JAKMIP1: variants seen among roughly 807,000 people sequenced by gnomAD.
The protein encoded by JAKMIP1 is janus kinase and microtubule-interacting protein 1.
In JAKMIP1, 33 loss-of-function variants were observed where a neutral mutation model predicts 113.0. That is an observed-to-expected ratio of 0.29 (90% CI 0.22 to 0.39). The LOEUF is 0.39. Ranked by LOEUF, JAKMIP1 falls within the 10% of genes least tolerant of loss-of-function variation. The pLI, the probability that JAKMIP1 is intolerant of heterozygous loss-of-function variation, is 1.00. For synonymous variants in JAKMIP1, 480 were observed against 459.9 expected, an observed-to-expected ratio of 1.04 and a Z score of -0.56; for missense variants, 813 against 1,080.5, an observed-to-expected ratio of 0.75 and a Z score of 3.47.
At chr4:6,165,088 T>C (rs1723453445) in intron 1 of JAKMIP1, among the ~76,000 whole-genome samples, 1 of 152,204 alleles carries the variant, frequency 6.6e-6, no homozygotes, top group African/African-American at 2.4e-5. Flanking sequence ...GAGAAATCTT[T>C]GGTGAAAGAG....
At position 6,112,750 on chromosome 4, in the gene JAKMIP1, T is replaced by A; in HGVS notation, c.101A>T (p.Gln34Leu). The change falls in exon 2 of 21, where the codon CAG becomes CTG. Residue 34 changes from glutamine (Q) to leucine (L), a missense_variant. Gln to Leu is a moderately radical substitution (Grantham distance 113). Transcript: ENST00000409021. ...GCTTTTTTCCTGCTGGAACTCGATC[T>A]GAATGCTGGTCAGCTTGGCCCGCAG... Reference protein sequence around the residue: ...EELRAKLTSIQIEFQQEKSKV... With the variant: ...EELRAKLTSILIEFQQEKSKV... 1 of 1,614,026 alleles carries A rather than the reference T, an allele frequency of 6.2e-7. No homozygotes were observed.
intron 1 of JAKMIP1, among the ~76,000 whole-genome samples, chr4:6,177,986 G>A (rs13102430): frequency 0.17 from 25,198 of 152,144 alleles, 2,523 homozygotes; most frequent in Non-Finnish European, 0.23. Flanking sequence ...AGTGCATCCG[G>A]CTTCACTTCC....
rs201448781 is a variant in JAKMIP1 at position 6,173,921 on chromosome 4, C to CA, written c.-148+26331dup. Among the ~76,000 whole-genome samples, 651 of 151,128 alleles carry CA rather than the reference C, an allele frequency of 4.3e-3. 3 individuals carry two copies. Among genetic ancestry groups the CA allele is most frequent in the Non-Finnish European group, 5.9e-3 (401 of 67,702 alleles). ...TGAAACCTCATCTCTACTAAAAATA[C>CA]AAAAAAAAAATTTAGCCAGGAATTG... On this transcript the variant is annotated intron_variant, in intron 1 of 20. Coordinates refer to ENST00000409021, the MANE Select transcript of JAKMIP1 (RefSeq NM_001099433.2).
chr4:6,147,266 C>T (rs1216923037), intron 1 of JAKMIP1, among the ~76,000 whole-genome samples: 2 of 152,128 alleles, frequency 1.3e-5, no homozygotes, highest in Non-Finnish European at 2.9e-5. Context: ...CAAGCCTTAA[C>T]TCAGTTGTGT....
At chr4:6,125,618 A>T (rs1289775336) in intron 1 of JAKMIP1, among the ~76,000 whole-genome samples, 1 of 133,674 alleles carries the variant, frequency 7.5e-6, no homozygotes, top group African/African-American at 3.1e-5. Flanking sequence ...CACACACACC[A>T]TACAGAAACA....
chr4:6,146,575 T>G (rs1375490880), intron 1 of JAKMIP1, among the ~76,000 whole-genome samples: 2 of 152,128 alleles, frequency 1.3e-5, no homozygotes, highest in African/African-American at 2.4e-5. Context: ...ACTACAGGCA[T>G]GAGCCACTGT....
At position 6,200,479 on chromosome 4, in the gene JAKMIP1, G is replaced by T. The variant is rs868555087; in HGVS notation, c.-374C>A. On this transcript the variant is annotated 5_prime_UTR_variant, in exon 1 of 21. Coordinates refer to ENST00000409021, the MANE Select transcript of JAKMIP1 (RefSeq NM_001099433.2). The surrounding 1 kb of genome is among the most constrained non-coding windows in gnomAD (Gnocchi z 7.0). ...TCGCGCGCGCGGCTCGGCGGGGCGG[G>T]AGTCGAGAGGCCGCGGCACTGGTGG... The T allele has an allele frequency of 4.2e-3, 636 of 151,434 alleles. 2 individuals carry two copies. The highest frequency in any genetic ancestry group is 0.01 in the Middle Eastern group (3 of 292). The allele number at this position is 151,434 out of a possible 1,614,324, so 9.4% of individuals were successfully genotyped here.
chr4:6,175,920 A>G (rs946127823), intron 1 of JAKMIP1, among the ~76,000 whole-genome samples: 10 of 152,246 alleles, frequency 6.6e-5, no homozygotes, highest in Admixed American at 5.2e-4. Flanking sequence ...TCCATCTAGC[A>G]GAGATAACGG....
chr4:6,038,459 A>T (rs1172514340), intron 18 of JAKMIP1, among the ~76,000 whole-genome samples: 1 of 147,930 alleles, frequency 6.8e-6, no homozygotes, highest in African/African-American at 2.6e-5. Context: ...GCTAACCGGT[A>T]TCCCTCCATC....
chr4:6,027,254 T>TC (rs1560616225), intron 20 of JAKMIP1, among the ~76,000 whole-genome samples: 2 of 151,926 alleles, frequency 1.3e-5, no homozygotes, highest in South Asian at 4.2e-4. Flanking sequence ...TGAGTTCTTC[T>TC]CCCCCCCAAA....
intron 1 of JAKMIP1, among the ~76,000 whole-genome samples, chr4:6,170,499 TTC>T (rs375100302): frequency 4.5e-3 from 19 of 4,262 alleles, no homozygotes; most frequent in Admixed American, 9.2e-3. Context: ...CCCAGCACCC[TTC>T]TATCACCACC....
Position 6,036,078 on chromosome 4 carries a change from G to A in JAKMIP1, c.2205C>T (p.Tyr735=). The A allele has an allele frequency of 1.3e-6, 2 of 1,557,492 alleles. No homozygotes were observed. Among genetic ancestry groups the A allele is most frequent in the Non-Finnish European group, 1.7e-6 (2 of 1,150,068 alleles). The change falls in exon 19 of 21, where the codon TAC becomes TAT. Residue 735 remains tyrosine (Y), a synonymous_variant. Coordinates refer to ENST00000409021, the MANE Select transcript of JAKMIP1 (RefSeq NM_001099433.2). Reference sequence around the variant, plus strand: ...GCCCCGGCTCCTGCTGCAGCGCTGTGTACAGTGTGGCCTCCAGGTCTTGGA... The same window carrying A: ...GCCCCGGCTCCTGCTGCAGCGCTGTATACAGTGTGGCCTCCAGGTCTTGGA... The part of the protein sequence containing the change: ...LKIQDLEATL[Y]TALQQEPGRR...
chr4:6,046,942 A>T (rs1396743154), intron 16 of JAKMIP1, among the ~76,000 whole-genome samples: 1 of 152,192 alleles, frequency 6.6e-6, no homozygotes, highest in Non-Finnish European at 1.5e-5. Flanking sequence ...AGCCACCCTG[A>T]GTCACCAGCA....
At chr4:6,090,288 C>A (rs907779218) in intron 3 of JAKMIP1, among the ~76,000 whole-genome samples, 1 of 152,038 alleles carries the variant, frequency 6.6e-6, no homozygotes, top group African/African-American at 2.4e-5. Context: ...CACGTGCAGG[C>A]AGAGACTGAA....
At position 6,184,652 on chromosome 4, in the gene JAKMIP1, AT is replaced by A. The variant is rs2109047226; in HGVS notation, c.-148+15600del. On this transcript the variant is annotated intron_variant, in intron 1 of 20. Transcript: ENST00000409021. The surrounding 1 kb of genome is among the most constrained non-coding windows in gnomAD (Gnocchi z 4.5). ...TAGATTCAGCAAGAGAGCAGGGGTGATTGTGCCTATCGAAGGGAAGCAACCA... is the reference window on the plus strand; with the variant it reads ...TAGATTCAGCAAGAGAGCAGGGGTGATGTGCCTATCGAAGGGAAGCAACCA... Among the ~76,000 whole-genome samples the A allele has an allele frequency of 6.6e-6, 1 of 152,346 alleles. No homozygotes were observed. The highest frequency in any genetic ancestry group is 2.1e-4 in the South Asian group (1 of 4,828).
intron 3 of JAKMIP1, among the ~76,000 whole-genome samples, chr4:6,099,374 G>A (rs1251680324): frequency 1.3e-5 from 2 of 151,924 alleles, no homozygotes; most frequent in Non-Finnish European, 2.9e-5. Flanking sequence ...TTTTATCTGT[G>A]CCTCCTTGTG....
intron 1 of JAKMIP1, among the ~76,000 whole-genome samples, chr4:6,175,656 C>G (rs1234716757): frequency 6.6e-6 from 1 of 152,210 alleles, no homozygotes; most frequent in East Asian, 1.9e-4. Flanking sequence ...TCCCACCTAC[C>G]CAGCTCCACC....
At chr4:6,123,547 A>C (rs1308586913) in intron 1 of JAKMIP1, among the ~76,000 whole-genome samples, 3 of 152,242 alleles carry the variant, frequency 2.0e-5, no homozygotes, top group Non-Finnish European at 4.4e-5. Flanking sequence ...CAGGCTGGGC[A>C]TGGTGGCTCA....
rs1722303589 is a variant in JAKMIP1 at position 6,093,073 on chromosome 4, C to T, written c.625-7444G>A. 1.3e-5 allele frequency among the ~76,000 whole-genome samples: 2 copies of T among 152,212 alleles called. No homozygotes were observed. Among genetic ancestry groups the T allele is most frequent in the Non-Finnish European group, 1.5e-5 (1 of 68,040 alleles). Reference sequence around the variant, plus strand: ...AAAATGATCACATCATGCCCCATTACTTCCAAACCTTTGCCAGTGTTTCTC... The same window carrying T: ...AAAATGATCACATCATGCCCCATTATTTCCAAACCTTTGCCAGTGTTTCTC... On this transcript the variant is annotated intron_variant, in intron 3 of 20. Coordinates refer to ENST00000409021, the MANE Select transcript of JAKMIP1 (RefSeq NM_001099433.2). This position sits in a 1 kb window ranked among gnomAD's most constrained non-coding sequence, Gnocchi z 4.6.
Sources: allele counts gnomAD v4.1 joint callset (sites outside exome capture counted in the v4.1 genomes callset), GRCh38; gene constraint gnomAD v4.1.1; non-coding constraint Gnocchi (gnomAD v3.1); transcripts MANE v1.5; gene names NCBI Gene and HGNC (gene_info 2026-07-23, HGNC 2026-07-21).